FTO: variants seen among roughly 807,000 people sequenced by gnomAD.
FTO encodes the protein alpha-ketoglutarate-dependent dioxygenase FTO.
A neutral mutation model predicts 63.9 loss-of-function variants in FTO; 47 were observed. The observed-to-expected ratio is 0.74, with a 90% confidence interval of 0.58 to 0.94. The LOEUF (loss-of-function observed/expected upper bound fraction) is 0.94. Ranked by LOEUF, FTO falls within the 40% of genes least tolerant of loss-of-function variation. The probability of loss-of-function intolerance (pLI) is 0.00; values close to 1 mark genes in which losing one functional copy is unlikely to be tolerated. For synonymous variants in FTO, 207 were observed against 224.4 expected, an observed-to-expected ratio of 0.92 and a Z score of 0.69; for missense variants, 562 against 618.1, an observed-to-expected ratio of 0.91 and a Z score of 0.96.
At chr16:53,902,518 A>G (rs2081428979) in intron 7 of FTO, among the ~76,000 whole-genome samples, 1 of 152,096 alleles carries the variant, frequency 6.6e-6, no homozygotes, top group Admixed American at 6.6e-5. Context: ...AGATAAACTG[A>G]GTGTTTCTCT....
At chr16:53,833,931 G>A (rs1567341160) in intron 3 of FTO, among the ~76,000 whole-genome samples, 3 of 151,934 alleles carry the variant, frequency 2.0e-5, no homozygotes, top group African/African-American at 4.8e-5. Flanking sequence ...CTGGTTTTTA[G>A]TTGTTGAGTT....
chr16:53,769,503 A>T (rs139578493), intron 1 of FTO, among the ~76,000 whole-genome samples: 451 of 152,308 alleles, frequency 3.0e-3, no homozygotes, highest in Middle Eastern at 0.014. Flanking sequence ...TTAGAGCAGA[A>T]CTTAGTATAT....
intron 5 of FTO, among the ~76,000 whole-genome samples, chr16:53,874,275 T>G (rs1473599217): frequency 1.3e-5 from 2 of 152,178 alleles, no homozygotes; most frequent in African/African-American, 4.8e-5. Context: ...CCTTAACTTT[T>G]TGGTCAGACT....
chr16:53,934,079 G>A lies in FTO; in HGVS notation c.1334G>A (p.Arg445His), dbSNP rs139000284. 1.1e-5 allele frequency: 18 copies of A among 1,614,036 alleles called. No homozygotes were observed. The highest frequency in any genetic ancestry group is 1.4e-5 in the Non-Finnish European group (17 of 1,180,006). Residue 445 changes from arginine (R) to histidine (H), a missense_variant, in exon 8 of 9, where the codon CGC (arginine) becomes CAC (histidine). Arg to His is a conservative substitution (Grantham distance 29). Transcript: ENST00000471389. ...GCCATCCTTGCCTCGCTCACTGCAC[G>A]CCAGAACCTGAGGAGAGAATGGCAT... ...LTAILASLTA[R>H]QNLRREWHAR... is the part of the protein sequence containing the mutation.
intron 8 of FTO, among the ~76,000 whole-genome samples, chr16:53,989,840 C>T (rs941306675): frequency 6.6e-6 from 1 of 151,756 alleles, no homozygotes; most frequent in Non-Finnish European, 1.5e-5. Context: ...ACTCCCTCCT[C>T]CTCCTCCTCC....
At chr16:53,811,159 T>G (rs1326870280) in intron 2 of FTO, among the ~76,000 whole-genome samples, 1 of 152,168 alleles carries the variant, frequency 6.6e-6, no homozygotes, top group Non-Finnish European at 1.5e-5. Flanking sequence ...CTGTATGCAC[T>G]ATGTGAGTTA....
chr16:53,904,117 T>G (rs982515027), intron 7 of FTO, among the ~76,000 whole-genome samples: 2 of 152,080 alleles, frequency 1.3e-5, no homozygotes, highest in Admixed American at 6.6e-5. Flanking sequence ...TATGTACATG[T>G]GTACATATGT....
chr16:53,848,703 T>C (rs986173282), intron 4 of FTO, among the ~76,000 whole-genome samples: 3 of 152,262 alleles, frequency 2.0e-5, no homozygotes, highest in Middle Eastern at 3.4e-3. Context: ...AAAAGTGGCT[T>C]GGAGACAAAC....
At chr16:53,729,928 G>C (rs75238143) in intron 1 of FTO, among the ~76,000 whole-genome samples, 8,862 of 152,206 alleles carry the variant, frequency 0.058, 841 homozygotes, top group African/African-American at 0.2. Context: ...CAGTCCCTGA[G>C]CTCTTTGAAG....
chr16:53,746,453 G>A (rs1399654000), intron 1 of FTO, among the ~76,000 whole-genome samples: 1 of 152,200 alleles, frequency 6.6e-6, no homozygotes, highest in Non-Finnish European at 1.5e-5. Context: ...TTACCACAGT[G>A]TAGCCTGGAC....
intron 8 of FTO, among the ~76,000 whole-genome samples, chr16:54,035,881 C>T (rs1257244471): frequency 2.0e-5 from 3 of 152,148 alleles, no homozygotes; most frequent in African/African-American, 4.8e-5. Flanking sequence ...TATGTGTTGG[C>T]TACATTTCTT....
chr16:53,818,016 A>G (rs1014180375), intron 2 of FTO, among the ~76,000 whole-genome samples: 1 of 152,354 alleles, frequency 6.6e-6, no homozygotes, highest in South Asian at 2.1e-4. Context: ...AAAGCCTAAC[A>G]TATTTGAAAA....
At chr16:53,949,203 C>A (rs2082716064) in intron 8 of FTO, among the ~76,000 whole-genome samples, 1 of 152,182 alleles carries the variant, frequency 6.6e-6, no homozygotes, top group South Asian at 2.1e-4. Context: ...TGAGCTCCTG[C>A]TTTAGCTCCC....
At chr16:53,918,788 A>G (rs2081942476) in intron 7 of FTO, among the ~76,000 whole-genome samples, 1 of 152,188 alleles carries the variant, frequency 6.6e-6, no homozygotes, top group African/African-American at 2.4e-5. Context: ...TTGGTTTATC[A>G]CATGGCAGTT....
intron 4 of FTO, among the ~76,000 whole-genome samples, chr16:53,852,204 AG>A (rs1435463362): frequency 1.3e-5 from 2 of 150,862 alleles, no homozygotes; most frequent in Non-Finnish European, 2.9e-5. Context: ...TGAGCTCGGG[AG>A]GTTGAGCCTA....
At chr16:53,884,376 CTGA>C (rs1432532643) in intron 6 of FTO, among the ~76,000 whole-genome samples, 1 of 152,162 alleles carries the variant, frequency 6.6e-6, no homozygotes, top group Non-Finnish European at 1.5e-5. Context: ...TCATTTTCTT[CTGA>C]TCAGACCTGT....
intron 1 of FTO, among the ~76,000 whole-genome samples, chr16:53,732,638 C>T (rs1429534011): frequency 2.0e-5 from 3 of 152,150 alleles, no homozygotes; most frequent in Non-Finnish European, 2.9e-5. Flanking sequence ...GACCCACTTT[C>T]CCTTCTGATA....
intron 1 of FTO, among the ~76,000 whole-genome samples, chr16:53,756,258 G>A (rs569204693): frequency 6.6e-6 from 1 of 152,300 alleles, no homozygotes; most frequent in African/African-American, 2.4e-5. Flanking sequence ...ACGAGGACTG[G>A]TCTTCATGGC....
intron 1 of FTO, among the ~76,000 whole-genome samples, chr16:53,750,194 C>A (rs1424708509): frequency 2.6e-5 from 4 of 152,072 alleles, no homozygotes; most frequent in Non-Finnish European, 5.9e-5. Flanking sequence ...ATATCAAAGT[C>A]TGGCCCTTGA....
Sources: gnomAD v4.1 joint callset for allele counts (sites outside exome capture counted in the v4.1 genomes callset) on GRCh38, gnomAD v4.1.1 for gene constraint, MANE v1.5 for transcripts, NCBI Gene and HGNC (gene_info 2026-07-23, HGNC 2026-07-21) for gene names.